The following KY variants were observed in gnomAD, a reference collection of about 807,000 sequenced individuals.
KY encodes kyphoscoliosis peptidase.
A neutral mutation model predicts 76.1 loss-of-function variants in KY; 43 were observed. The observed-to-expected ratio is 0.57, with a 90% confidence interval of 0.44 to 0.73. The LOEUF (loss-of-function observed/expected upper bound fraction) is 0.73, where lower values mean the gene tolerates loss of function less well. Among genes scored for constraint, KY ranks in the 30% least tolerant of loss-of-function variants. The pLI is 0.00. For missense variants in KY, 722 were observed against 828.9 expected, an observed-to-expected ratio of 0.87 and a Z score of 1.58; for synonymous variants, 277 against 326.2, an observed-to-expected ratio of 0.85 and a Z score of 1.63.
chr3:134,641,877 T>C (rs559258157), intron 3 of KY, among the ~76,000 whole-genome samples: 7 of 152,314 alleles, frequency 4.6e-5, no homozygotes, highest in African/African-American at 1.7e-4. Flanking sequence ...TCTGTCTTCT[T>C]CACTAAGTGA....
Position 134,627,768 on chromosome 3 carries a change from T to TC in KY, c.387dup (p.Lys130GlufsTer12). 1 of 1,613,856 alleles carries TC rather than the reference T, an allele frequency of 6.2e-7. No individual in the cohort carries two copies. Among genetic ancestry groups the TC allele is most frequent in the Non-Finnish European group, 8.5e-7 (1 of 1,179,746 alleles). On this transcript the variant is annotated frameshift_variant, in exon 5 of 11. Coordinates refer to ENST00000423778, the MANE Select transcript of KY (RefSeq NM_178554.6). LOFTEE classifies it high-confidence loss of function. ...CTCTGGAACTTACCATGGGCATCTT[T>TC]CCCTCCAGGTTGCCGGGGTCTTGTG...
intron 3 of KY, among the ~76,000 whole-genome samples, chr3:134,630,433 C>G (rs1471592609): frequency 6.6e-6 from 1 of 152,174 alleles, no homozygotes; most frequent in African/African-American, 2.4e-5. Context: ...GCTGATTTGC[C>G]CCAGAGGCAG....
At chr3:134,607,787 T>G in intron 10 of KY, 1 of 986,334 alleles carries the variant, frequency 1.0e-6, no homozygotes, top group Non-Finnish European at 1.2e-6. Context: ...GGGAGATGGC[T>G]AAGCTGGGTA....
At chr3:134,643,592 C>G (rs1022236990) in intron 2 of KY, among the ~76,000 whole-genome samples, 3 of 152,214 alleles carry the variant, frequency 2.0e-5, no homozygotes, top group Admixed American at 1.3e-4. Context: ...GTGCACACAC[C>G]CCTTGTGCCT....
intron 1 of KY, among the ~76,000 whole-genome samples, chr3:134,649,329 G>T (rs958005696): frequency 6.6e-6 from 1 of 152,160 alleles, no homozygotes; most frequent in South Asian, 2.1e-4. Flanking sequence ...CTGATGCCTG[G>T]TGTTTCCTGG....
intron 6 of KY, among the ~76,000 whole-genome samples, chr3:134,621,410 C>T (rs1344948871): frequency 1.3e-5 from 2 of 152,116 alleles, no homozygotes; most frequent in African/African-American, 4.8e-5. Flanking sequence ...AGAAATGGAC[C>T]CACATATCTA....
At chr3:134,607,765 C>G (rs1161182696) in intron 10 of KY, 1 of 986,106 alleles carries the variant, frequency 1.0e-6, no homozygotes, top group African/African-American at 1.7e-5. Context: ...CATGTCAGCC[C>G]AGGCCAGCCA....
intron 7 of KY, among the ~76,000 whole-genome samples, chr3:134,619,616 G>T: frequency 6.6e-6 from 1 of 152,222 alleles, no homozygotes; most frequent in East Asian, 1.9e-4. Context: ...TTTTCCTGCA[G>T]CCCGAAGGCC....
intron 3 of KY, among the ~76,000 whole-genome samples, chr3:134,633,189 T>G (rs1305468845): frequency 2.6e-5 from 4 of 151,974 alleles, no homozygotes; most frequent in African/African-American, 9.7e-5. Flanking sequence ...TTAAAGTAAA[T>G]AACATCAATT....
In KY at chr3:134,602,968, C is replaced by T. The variant is rs865942406; in HGVS notation, c.*611G>A. Among the ~76,000 whole-genome samples the T allele has an allele frequency of 9.9e-5, 15 of 152,206 alleles. No individual in the cohort carries two copies. Among genetic ancestry groups the T allele is most frequent in the African/African-American group, 3.4e-4 (14 of 41,460 alleles). On this transcript the variant is annotated 3_prime_UTR_variant, in exon 11 of 11. Transcript: ENST00000423778. ...TTCCAGCCAGTTGTGGGTCAGCTGG[C>T]TTCCTCACCACACCCTTTTTCTTGG...
intron 1 of KY, among the ~76,000 whole-genome samples, chr3:134,649,746 G>C (rs750618519): frequency 9.9e-5 from 15 of 152,234 alleles, no homozygotes; most frequent in Non-Finnish European, 2.1e-4. Context: ...GGCAGCTCCA[G>C]CCTATGTGGC....
Position 134,601,452 on chromosome 3 carries a change from G to A in KY, c.*2127C>T, listed in dbSNP as rs1160181601. ...CGAGGCAGCCAGCGCGGGGTCCAGT[G>A]AGTGACATGCGTCATCGAAGGCACT... On this transcript the variant is annotated 3_prime_UTR_variant, in exon 11 of 11. Coordinates refer to ENST00000423778, the MANE Select transcript of KY (RefSeq NM_178554.6). Among the ~76,000 whole-genome samples the A allele has an allele frequency of 1.3e-5, 2 of 152,238 alleles. No individual in the cohort carries two copies. The highest frequency in any genetic ancestry group is 3.8e-4 in the East Asian group (2 of 5,198).
chr3:134,623,541 C>A (rs1962983129), intron 6 of KY, among the ~76,000 whole-genome samples: 1 of 151,672 alleles, frequency 6.6e-6, no homozygotes. Context: ...CTGCTCCATG[C>A]CCCCTTGTTC....
chr3:134,599,940 T>C lies in KY; in HGVS notation c.*3639A>G, dbSNP rs1351638401. Among the ~76,000 whole-genome samples the C allele has an allele frequency of 1.3e-5, 2 of 152,190 alleles. No individual in the cohort carries two copies. Among genetic ancestry groups the C allele is most frequent in the Non-Finnish European group, 2.9e-5 (2 of 68,040 alleles). ...TTACATTGTTGGATAAAAATGAATATAAATTTTATTGAAAAACAACACCAG... is the reference window on the plus strand; with the variant it reads ...TTACATTGTTGGATAAAAATGAATACAAATTTTATTGAAAAACAACACCAG... On this transcript the variant is annotated 3_prime_UTR_variant, in exon 11 of 11. Coordinates refer to ENST00000423778, the MANE Select transcript of KY (RefSeq NM_178554.6).
intron 2 of KY, among the ~76,000 whole-genome samples, chr3:134,645,604 T>C (rs1966342891): frequency 6.6e-6 from 1 of 152,236 alleles, no homozygotes; most frequent in South Asian, 2.1e-4. Flanking sequence ...CATGCAAACG[T>C]ACCATTTGAA....
intron 8 of KY, chr3:134,612,939 T>C (rs1960793286): frequency 1.3e-5 from 2 of 152,474 alleles, no homozygotes; most frequent in South Asian, 4.1e-4. Flanking sequence ...TTTTTAATAA[T>C]GATTATGTGT....
At chr3:134,627,215 A>T (rs1963569972) in intron 5 of KY, among the ~76,000 whole-genome samples, 1 of 152,254 alleles carries the variant, frequency 6.6e-6, no homozygotes, top group Admixed American at 6.5e-5. Flanking sequence ...TTAAAACATC[A>T]GTATCATTAA....
intron 8 of KY, chr3:134,615,566 C>CTA (rs1388241397): frequency 6.7e-6 from 1 of 150,244 alleles, no homozygotes; most frequent in Non-Finnish European, 1.5e-5. Flanking sequence ...TTGTTTTGAT[C>CTA]TATACACTTG....
chr3:134,642,895 A>T (rs1965936369), intron 3 of KY, among the ~76,000 whole-genome samples: 1 of 152,144 alleles, frequency 6.6e-6, no homozygotes, highest in Admixed American at 6.5e-5. Flanking sequence ...CAGTTTACTC[A>T]TCTGTAATTT....
Sources: allele counts gnomAD v4.1 joint callset (sites outside exome capture counted in the v4.1 genomes callset), GRCh38; gene constraint gnomAD v4.1.1; transcripts MANE v1.5; gene names NCBI Gene and HGNC (gene_info 2026-07-23, HGNC 2026-07-21).